SETBP1: variants seen among roughly 807,000 people sequenced by gnomAD.
SETBP1 encodes SET binding protein 1.
A neutral mutation model predicts 101.0 loss-of-function variants in SETBP1; 9 were observed. The ratio of observed to expected loss-of-function variants is 0.09; its 90% confidence interval spans 0.05 to 0.16. SETBP1 has a LOEUF of 0.16. Among genes scored for constraint, SETBP1 ranks in the 10% least tolerant of loss-of-function variants. SETBP1 has a pLI of 1.00. For synonymous variants in SETBP1, 818 were observed against 788.5 expected (o/e 1.04, Z -0.63); for missense variants, 1,858 against 2,033.8 (o/e 0.91, Z 1.66).
At chr18:44,975,906 A>G (rs1162985605) in intron 4 of SETBP1, among the ~76,000 whole-genome samples, 2 of 152,238 alleles carry the variant, frequency 1.3e-5, no homozygotes, top group East Asian at 3.8e-4. Context: ...CCTTGCTGAC[A>G]TGAAGCAGTA....
chr18:44,938,158 C>T (rs921125631), intron 3 of SETBP1, among the ~76,000 whole-genome samples: 5 of 152,288 alleles, frequency 3.3e-5, no homozygotes, highest in African/African-American at 1.2e-4. Context: ...CTGCGTTCCT[C>T]TGTGCCACCA....
intron 1 of SETBP1, among the ~76,000 whole-genome samples, chr18:44,681,699 C>T (rs922528818): frequency 2.0e-5 from 3 of 151,966 alleles, no homozygotes; most frequent in African/African-American, 7.3e-5. Context: ...TCTTATTGCC[C>T]CCTAATGCTG....
intron 2 of SETBP1, among the ~76,000 whole-genome samples, chr18:44,818,994 C>CTG (rs1389774703): frequency 2.8e-4 from 26 of 92,858 alleles, no homozygotes; most frequent in South Asian, 2.3e-3. Flanking sequence ...GTGTGTGTGT[C>CTG]TGTGTGTGTG....
intron 3 of SETBP1, among the ~76,000 whole-genome samples, chr18:44,934,940 T>C (rs1429742119): frequency 6.6e-6 from 1 of 152,180 alleles, no homozygotes; most frequent in Non-Finnish European, 1.5e-5. Context: ...GGGGCACATA[T>C]AGGAGATTCC....
intron 2 of SETBP1, among the ~76,000 whole-genome samples, chr18:44,712,037 AC>A (rs1219668927): frequency 6.6e-6 from 1 of 152,242 alleles, no homozygotes; most frequent in Non-Finnish European, 1.5e-5. Flanking sequence ...CACACGGGAA[AC>A]AATGGAGACC....
Position 45,064,038 on chromosome 18 carries a change from G to C in SETBP1, c.*340G>C. The stretch of plus-strand genomic sequence containing the variant: ...CCTCACGCTGCCAAGGTGCGCCCTC[G>C]ACTCCCGATTTCATTTGCTGGCCAG... On this transcript the variant is annotated 3_prime_UTR_variant, in exon 6 of 6. Transcript: ENST00000649279. 4.6e-6 allele frequency: 1 copy of C among 218,074 alleles called. No homozygotes were observed. The highest frequency in any genetic ancestry group is 9.1e-6 in the Non-Finnish European group (1 of 110,050). 13.5% of individuals were successfully genotyped at this position (218,074 alleles called of 1,614,324 possible).
chr18:44,699,198 T>A (rs2069070951), intron 1 of SETBP1, among the ~76,000 whole-genome samples: 1 of 152,216 alleles, frequency 6.6e-6, no homozygotes, highest in Non-Finnish European at 1.5e-5. Flanking sequence ...TATTAGAGAA[T>A]TAAAATGTCG....
chr18:44,707,377 C>G (rs1284463791), intron 2 of SETBP1, among the ~76,000 whole-genome samples: 1 of 152,160 alleles, frequency 6.6e-6, no homozygotes. Context: ...ATTCATTGTA[C>G]TTACAAATTT....
chr18:44,787,822 C>A (rs2071272347), intron 2 of SETBP1, among the ~76,000 whole-genome samples: 2 of 105,518 alleles, frequency 1.9e-5, no homozygotes, highest in African/African-American at 7.2e-5. Flanking sequence ...CCACTGCAGT[C>A]CGCAGTCCGG....
Position 44,759,604 on chromosome 18 carries a change from G to T in SETBP1, c.486+57772G>T, listed in dbSNP as rs552234786. ...GTTCCCCAAACAGTGTGTGTGGGGTGAGCTGGGGAGAGAAGCTTTATAATT... is the reference window on the plus strand; with the variant it reads ...GTTCCCCAAACAGTGTGTGTGGGGTTAGCTGGGGAGAGAAGCTTTATAATT... On this transcript the variant is annotated intron_variant, in intron 2 of 5. Coordinates refer to ENST00000649279, the MANE Select transcript of SETBP1 (RefSeq NM_015559.3). Among the ~76,000 whole-genome samples the T allele has an allele frequency of 3.3e-5, 5 of 152,312 alleles. No individual in the cohort carries two copies. The East Asian group carries it at 7.7e-4, about 23-fold the overall frequency.
chr18:44,893,157 T>A (rs2069811615), intron 3 of SETBP1, among the ~76,000 whole-genome samples: 1 of 152,150 alleles, frequency 6.6e-6, no homozygotes, highest in African/African-American at 2.4e-5. Context: ...CTCATTTAAT[T>A]CCTTCTCATC....
intron 2 of SETBP1, among the ~76,000 whole-genome samples, chr18:44,704,594 C>A (rs1336255385): frequency 6.6e-6 from 1 of 152,172 alleles, no homozygotes; most frequent in African/African-American, 2.4e-5. Flanking sequence ...ACAGGAACAT[C>A]CTCTGATCTC....
intron 2 of SETBP1, among the ~76,000 whole-genome samples, chr18:44,780,724 T>G (rs576777012): frequency 6.6e-6 from 1 of 152,326 alleles, no homozygotes; most frequent in African/African-American, 2.4e-5. Flanking sequence ...AGTTATGGTC[T>G]ACTGAGGAAT....
At chr18:44,913,146 G>A (rs1205232249) in intron 3 of SETBP1, among the ~76,000 whole-genome samples, 1 of 152,196 alleles carries the variant, frequency 6.6e-6, no homozygotes, top group African/African-American at 2.4e-5. Flanking sequence ...ATTACCAGGG[G>A]AATTTTCCTT....
chr18:44,911,308 G>A (rs1479443382), intron 3 of SETBP1, among the ~76,000 whole-genome samples: 1 of 152,106 alleles, frequency 6.6e-6, no homozygotes, highest in Non-Finnish European at 1.5e-5. Flanking sequence ...ATATTAGGTT[G>A]GTGCAAATGT....
In SETBP1 at chr18:45,063,112, G is replaced by C; in HGVS notation, c.4205G>C (p.Arg1402Pro). 1 of 1,613,916 alleles carries C rather than the reference G, an allele frequency of 6.2e-7. No homozygotes were observed. Among genetic ancestry groups the C allele is most frequent in the Non-Finnish European group, 8.5e-7 (1 of 1,180,004 alleles). The change falls in exon 6 of 6, where the codon CGG becomes CCG. Residue 1402 changes from arginine (R) to proline (P), a missense_variant. Arg to Pro is a moderately radical substitution (Grantham distance 103, BLOSUM62 -2). Coordinates refer to ENST00000649279, the MANE Select transcript of SETBP1 (RefSeq NM_015559.3). ...GSSLKKRFKR[R>P]EIEAIQCEVR... ...TCCCTGAAGAAGAGGTTCAAGCGGCGGGAGATCGAAGCCATCCAGTGCGAA... is the reference window on the plus strand; with the variant it reads ...TCCCTGAAGAAGAGGTTCAAGCGGCCGGAGATCGAAGCCATCCAGTGCGAA...
At chr18:44,856,150 C>T (rs930790567) in intron 2 of SETBP1, among the ~76,000 whole-genome samples, 5 of 151,306 alleles carry the variant, frequency 3.3e-5, no homozygotes, top group Non-Finnish European at 5.9e-5. Context: ...AGTTCCTGCT[C>T]CCCAGAACTA....
intron 2 of SETBP1, among the ~76,000 whole-genome samples, chr18:44,721,786 C>T (rs1010992709): frequency 6.6e-6 from 1 of 152,124 alleles, no homozygotes; most frequent in African/African-American, 2.4e-5. Flanking sequence ...GGGACTTTTC[C>T]TTACCCTCAG....
At chr18:44,855,587 A>T (rs1231510465) in intron 2 of SETBP1, among the ~76,000 whole-genome samples, 1 of 152,244 alleles carries the variant, frequency 6.6e-6, no homozygotes, top group Non-Finnish European at 1.5e-5. Context: ...GGCAAGAGCC[A>T]GATGGGCACA....
Sources: allele counts gnomAD v4.1 joint callset (sites outside exome capture counted in the v4.1 genomes callset), GRCh38; gene constraint gnomAD v4.1.1; transcripts MANE v1.5; gene names NCBI Gene and HGNC (gene_info 2026-07-23, HGNC 2026-07-21).